The following CCDC6 variants were observed in gnomAD, a reference collection of about 807,000 sequenced individuals.
The protein encoded by CCDC6 is coiled-coil domain containing 6.
Under a neutral mutation model 56.6 loss-of-function variants are expected in CCDC6, and 20 were observed. The ratio of observed to expected loss-of-function variants is 0.35; its 90% CI spans 0.25 to 0.51. The LOEUF is 0.51. Among genes scored for constraint, CCDC6 ranks in the 20% least tolerant of loss-of-function variants. The pLI is 0.95. For missense variants in CCDC6, 367 were observed against 601.1 expected, an observed-to-expected ratio of 0.61 and a Z score of 4.07; for synonymous variants, 241 against 234.4, an observed-to-expected ratio of 1.03 and a Z score of -0.26.
chr10:59,872,788 G>GC (rs2071242354), intron 1 of CCDC6, among the ~76,000 whole-genome samples: 1 of 41,364 alleles, frequency 2.4e-5, no homozygotes, highest in Non-Finnish European at 6.6e-5. Context: ...ATGGGGGGGT[G>GC]GGGGAAGGTA....
In CCDC6 at chr10:59,788,821, A is replaced by C. The variant is rs896667274; in HGVS notation, c.*4096T>G. 3 of 193,926 alleles carry C rather than the reference A, an allele frequency of 1.5e-5. No individual in the cohort carries two copies. Among genetic ancestry groups the C allele is most frequent in the Non-Finnish European group, 3.2e-5 (3 of 93,072 alleles). 12.0% of individuals were successfully genotyped at this position (193,926 alleles called of 1,614,324 possible). ...TGATTCAGCACATGTATCAAAGACT[A>C]ATCAACATAAAGGAGTAAATAAGAC... On this transcript the variant is annotated 3_prime_UTR_variant, in exon 9 of 9. Transcript: ENST00000263102.
intron 7 of CCDC6, among the ~76,000 whole-genome samples, chr10:59,799,167 A>G (rs948748755): frequency 1.3e-5 from 2 of 150,560 alleles, no homozygotes; most frequent in Non-Finnish European, 3.0e-5. Context: ...ATGGTGGTTC[A>G]TGCCTGTAAT....
chr10:59,824,697 A>G (rs367929478), intron 3 of CCDC6, among the ~76,000 whole-genome samples: 25 of 148,442 alleles, frequency 1.7e-4, no homozygotes, highest in Middle Eastern at 3.5e-3. Flanking sequence ...GGAGGAGGAG[A>G]AGATGAAGAA....
chr10:59,843,574 T>C (rs2070961766), intron 2 of CCDC6, among the ~76,000 whole-genome samples: 1 of 152,172 alleles, frequency 6.6e-6, no homozygotes, highest in South Asian at 2.1e-4. Context: ...CGAAGTCCAT[T>C]TCTTTTATTT....
At position 59,793,004 on chromosome 10, in the gene CCDC6, C is replaced by CGGAGGT. The variant is rs575393361; in HGVS notation, c.1332_1337dup (p.Pro447_Pro448dup). ...AGGGGACCGTGGGCTGCATGGGTGG[C>CGGAGGT]GGAGGTGGAGGCGGAGGTGGCTGGA... On this transcript the variant is annotated inframe_insertion, in exon 9 of 9. Coordinates refer to ENST00000263102, the MANE Select transcript of CCDC6 (RefSeq NM_005436.5). 2.6e-3 allele frequency: 4,117 copies of CGGAGGT among 1,612,888 alleles called. 10 individuals carry two copies. The highest frequency in any genetic ancestry group is 3.1e-3 in the Non-Finnish European group (3,620 of 1,179,230).
At chr10:59,873,706 T>C (rs1409777353) in intron 1 of CCDC6, among the ~76,000 whole-genome samples, 1 of 152,162 alleles carries the variant, frequency 6.6e-6, no homozygotes, top group Non-Finnish European at 1.5e-5. Flanking sequence ...ATTTAGTATT[T>C]TAATATGCCA....
intron 1 of CCDC6, among the ~76,000 whole-genome samples, chr10:59,893,103 T>C (rs1403850480): frequency 6.6e-6 from 1 of 152,228 alleles, no homozygotes; most frequent in African/African-American, 2.4e-5. Flanking sequence ...ACACACAAAA[T>C]ACATTCTGTA....
At chr10:59,814,364 G>A (rs962513805) in intron 4 of CCDC6, among the ~76,000 whole-genome samples, 1 of 152,146 alleles carries the variant, frequency 6.6e-6, no homozygotes, top group Non-Finnish European at 1.5e-5. Context: ...AACCATTCTT[G>A]AAAATACTTT....
intron 1 of CCDC6, among the ~76,000 whole-genome samples, chr10:59,891,867 A>G (rs1458100839): frequency 6.6e-6 from 1 of 152,196 alleles, no homozygotes; most frequent in African/African-American, 2.4e-5. Context: ...AAATATTAAT[A>G]GTAGTTTGGA....
chr10:59,818,416 G>A (rs1370795454), intron 3 of CCDC6, among the ~76,000 whole-genome samples: 2 of 148,994 alleles, frequency 1.3e-5, no homozygotes, highest in African/African-American at 2.5e-5. Flanking sequence ...AGGCAACACA[G>A]GAAGCCCCAG....
In CCDC6 at chr10:59,906,342, G is replaced by A. The variant is rs755927030; in HGVS notation, c.83C>T (p.Ser28Leu). 5 of 1,598,600 alleles carry A rather than the reference G, an allele frequency of 3.1e-6. No individual in the cohort carries two copies. The highest frequency in any genetic ancestry group is 2.2e-5 in the East Asian group (1 of 44,784). The change falls in exon 1 of 9, where the codon TCG (serine) becomes TTG (leucine). Residue 28 changes from serine to leucine, a missense_variant. Coordinates refer to ENST00000263102, the MANE Select transcript of CCDC6 (RefSeq NM_005436.5). ...SSSAAMQSSC[S>L]STSGGGGGGG... ...GCCACCGCCGCCGCCCGAGGTCGAC[G>A]AGCAGGACGACTGCATGGCGGCCGA...
At chr10:59,883,239 T>C (rs2071359222) in intron 1 of CCDC6, among the ~76,000 whole-genome samples, 1 of 152,082 alleles carries the variant, frequency 6.6e-6, no homozygotes, top group Non-Finnish European at 1.5e-5. Context: ...ACACTGTCAG[T>C]TACGAAAAGG....
rs569481367 is a variant in CCDC6, at chr10:59,846,455, T to C, written c.453+6098A>G. Among the ~76,000 whole-genome samples, 4 of 152,298 alleles carry C rather than the reference T, an allele frequency of 2.6e-5. No homozygotes were observed. The South Asian group carries it at 8.3e-4, about 32-fold the overall frequency. On this transcript the variant is annotated intron_variant, in intron 2 of 8. Coordinates refer to ENST00000263102, the MANE Select transcript of CCDC6 (RefSeq NM_005436.5). ...CTTCCTGTCCTCTCTCATCTTTCCATAGATGCTAGGAAAACTCCAACTATT... is the reference window on the plus strand; with the variant it reads ...CTTCCTGTCCTCTCTCATCTTTCCACAGATGCTAGGAAAACTCCAACTATT...
At chr10:59,872,105 C>T (rs143193087) in intron 1 of CCDC6, among the ~76,000 whole-genome samples, 12 of 152,374 alleles carry the variant, frequency 7.9e-5, no homozygotes, top group African/African-American at 2.6e-4. Context: ...TGTATCCTCA[C>T]TCCACTTACT....
rs118178452 is a variant in CCDC6, at chr10:59,811,195, G to T, written c.847+1440C>A. 5.8e-3 allele frequency among the ~76,000 whole-genome samples: 890 copies of T among 152,272 alleles called. 8 individuals are homozygous for T. Among genetic ancestry groups the T allele is most frequent in the Non-Finnish European group, 8.2e-3 (558 of 68,020 alleles). On this transcript the variant is annotated intron_variant, in intron 5 of 8. Coordinates refer to ENST00000263102, the MANE Select transcript of CCDC6 (RefSeq NM_005436.5). ...AGGTTTGTGGTAATTTGTAATAGCA[G>T]AAATAGGAAAGTACTACACCATATT... is the stretch of plus-strand genomic sequence containing the variant.
In CCDC6 at chr10:59,792,750, A is replaced by G. The variant is rs769563933; in HGVS notation, c.*167T>C. 1 of 819,562 alleles carries G rather than the reference A, an allele frequency of 1.2e-6. No homozygotes were observed. Among genetic ancestry groups the G allele is most frequent in the East Asian group, 2.4e-5 (1 of 41,374 alleles). 50.8% of individuals were successfully genotyped at this position (819,562 alleles called of 1,614,324 possible). A position where few individuals can be genotyped will look rare whatever the true frequency, so the allele number is the denominator to read the frequency against. On this transcript the variant is annotated 3_prime_UTR_variant, in exon 9 of 9. Coordinates refer to ENST00000263102, the MANE Select transcript of CCDC6 (RefSeq NM_005436.5). ...CTGGTTAGTGTTGTAGACCCACAAC[A>G]CTGGCTGCATTTCTGACAAACATTT...
intron 3 of CCDC6, among the ~76,000 whole-genome samples, chr10:59,827,136 T>C (rs553148921): frequency 2.6e-5 from 4 of 152,240 alleles, no homozygotes; most frequent in Middle Eastern, 3.4e-3. Context: ...GAGAAAGTGT[T>C]CCAGGCAGAG....
intron 5 of CCDC6, among the ~76,000 whole-genome samples, chr10:59,810,762 C>T (rs1009042852): frequency 1.3e-5 from 2 of 152,068 alleles, no homozygotes; most frequent in Non-Finnish European, 2.9e-5. Context: ...AATAGTGATT[C>T]CCTAAAGATG....
intron 2 of CCDC6, among the ~76,000 whole-genome samples, chr10:59,849,164 G>C (rs1483711206): frequency 6.6e-6 from 1 of 152,202 alleles, no homozygotes; most frequent in East Asian, 1.9e-4. Flanking sequence ...AAAAGTAAGA[G>C]AGTTCTTTTT....
Sources: allele counts gnomAD v4.1 joint callset (sites outside exome capture counted in the v4.1 genomes callset), GRCh38; gene constraint gnomAD v4.1.1; transcripts MANE v1.5; gene names NCBI Gene and HGNC (gene_info 2026-07-23, HGNC 2026-07-21).